The following CLASP1 variants were observed in gnomAD, a reference collection of about 807,000 sequenced individuals.
CLASP1 encodes the protein cytoplasmic linker associated protein 1, also known as CLIP-associating protein 1.
In CLASP1, 38 loss-of-function variants were observed where a neutral mutation model predicts 192.3. The ratio of observed to expected loss-of-function variants is 0.20; its 90% CI spans 0.15 to 0.26. The LOEUF (loss-of-function observed/expected upper bound fraction) is 0.26, where lower values mean the gene tolerates loss of function less well. Ranked by LOEUF, CLASP1 falls within the 10% of genes least tolerant of loss-of-function variation. The pLI is 1.00. For synonymous variants in CLASP1, 691 were observed against 712.8 expected, an observed-to-expected ratio of 0.97 and a Z score of 0.49; for missense variants, 1,433 against 1,932.5, an observed-to-expected ratio of 0.74 and a Z score of 4.85.
chr2:121,642,505 G>A lies in CLASP1; in HGVS notation c.-286+6867C>T, dbSNP rs1395036185. Among the ~76,000 whole-genome samples, 3 of 151,962 alleles carry A rather than the reference G, an allele frequency of 2.0e-5. No individual in the cohort carries two copies. In the East Asian group the frequency reaches 5.8e-4, roughly 29 times the overall value. ...CCCAGCATTTGGGAGGCTGAGGCAG[G>A]TGGATCACTTGAGGTCAGGAGTTCG... On this transcript the variant is annotated intron_variant, in intron 1 of 39. Transcript: ENST00000263710.
intron 2 of CLASP1, among the ~76,000 whole-genome samples, chr2:121,591,544 T>G (rs10496574): frequency 0.24 from 36,338 of 152,110 alleles, 6,646 homozygotes; most frequent in African/African-American, 0.51. Flanking sequence ...CAGTACTAAA[T>G]TCCTATACTA....
In CLASP1 at chr2:121,479,955, C is replaced by G. The variant is rs560072737; in HGVS notation, c.713-9995G>C. The stretch of plus-strand genomic sequence containing the variant: ...AAGCTCTGAGGGTGCTAGCAGAGTG[C>G]TACTTCTGCCCTTTGGCACCAGTAA... On this transcript the variant is annotated intron_variant, in intron 8 of 39. Coordinates refer to ENST00000263710, the Ensembl canonical transcript of CLASP1. Among the ~76,000 whole-genome samples the G allele has an allele frequency of 2.6e-5, 4 of 152,314 alleles. No homozygotes were observed. The South Asian group carries it at 6.2e-4, about 24-fold the overall frequency.
chr2:121,406,798 C>T (rs975251945), intron 25 of CLASP1, among the ~76,000 whole-genome samples: 2 of 152,078 alleles, frequency 1.3e-5, no homozygotes, highest in Non-Finnish European at 2.9e-5. Flanking sequence ...CCTTTGTTGC[C>T]CAGGCTGGTC....
intron 2 of CLASP1, among the ~76,000 whole-genome samples, chr2:121,591,024 C>T (rs1576294985): frequency 6.6e-6 from 1 of 152,004 alleles, no homozygotes; most frequent in South Asian, 2.1e-4. Context: ...TGCACCACCA[C>T]GCCCAGCTAA....
At chr2:121,585,612 G>C (rs2061631497) in intron 2 of CLASP1, among the ~76,000 whole-genome samples, 1 of 152,128 alleles carries the variant, frequency 6.6e-6, no homozygotes, top group Non-Finnish European at 1.5e-5. Flanking sequence ...ATAAAAATAA[G>C]TCTTTTGGCC....
At chr2:121,465,343 T>C (rs2089314648) in intron 9 of CLASP1, among the ~76,000 whole-genome samples, 1 of 152,178 alleles carries the variant, frequency 6.6e-6, no homozygotes, top group Admixed American at 6.5e-5. Flanking sequence ...AAAATCAATG[T>C]ACAAAAATCA....
intron 2 of CLASP1, among the ~76,000 whole-genome samples, chr2:121,585,387 A>G (rs2061602593): frequency 6.6e-6 from 1 of 152,206 alleles, no homozygotes; most frequent in African/African-American, 2.4e-5. Flanking sequence ...GAGGTAGGTC[A>G]TGATTTCAGA....
At chr2:121,511,562 T>C (rs577946071) in intron 7 of CLASP1, among the ~76,000 whole-genome samples, 2 of 145,966 alleles carry the variant, frequency 1.4e-5, no homozygotes, top group East Asian at 4.0e-4. Flanking sequence ...CACTCCAGTC[T>C]GGGCAACAAG....
At chr2:121,537,367 G>C (rs2095115756) in intron 2 of CLASP1, among the ~76,000 whole-genome samples, 1 of 151,862 alleles carries the variant, frequency 6.6e-6, no homozygotes. Context: ...ACTCCAGCCT[G>C]GGTGACAGAT....
chr2:121,503,468 T>A (rs947350419), intron 7 of CLASP1, among the ~76,000 whole-genome samples: 3 of 152,230 alleles, frequency 2.0e-5, no homozygotes, highest in Non-Finnish European at 1.5e-5. Context: ...TCTCATTTAA[T>A]CTCCTTGAGG....
intron 2 of CLASP1, among the ~76,000 whole-genome samples, chr2:121,589,486 CG>C (rs1337024055): frequency 6.6e-6 from 1 of 151,904 alleles, no homozygotes; most frequent in Admixed American, 6.6e-5. Flanking sequence ...AAAAATTAGC[CG>C]GGTGTGGTGG....
At chr2:121,395,062 G>A (rs1181103595) in intron 30 of CLASP1, among the ~76,000 whole-genome samples, 1 of 150,524 alleles carries the variant, frequency 6.6e-6, no homozygotes, top group Admixed American at 6.6e-5. Context: ...TTGACAATGA[G>A]GAAGGAAGGA....
At chr2:121,522,132 G>A (rs1321776377) in intron 6 of CLASP1, among the ~76,000 whole-genome samples, 1 of 152,184 alleles carries the variant, frequency 6.6e-6, no homozygotes, top group Non-Finnish European at 1.5e-5. Flanking sequence ...GTATGTGTGT[G>A]TGTGCGCGCA....
chr2:121,469,368 G>A (rs2090255695), intron 9 of CLASP1, among the ~76,000 whole-genome samples: 1 of 152,078 alleles, frequency 6.6e-6, no homozygotes, highest in African/African-American at 2.4e-5. Flanking sequence ...CAATACCTAG[G>A]GGCCAGTCTA....
intron 35 of CLASP1, among the ~76,000 whole-genome samples, chr2:121,366,115 T>C (rs552660758): frequency 1.3e-5 from 2 of 152,252 alleles, no homozygotes; most frequent in Non-Finnish European, 2.9e-5. Context: ...TAAAGAACTC[T>C]GTCATTTCCT....
intron 9 of CLASP1, among the ~76,000 whole-genome samples, chr2:121,468,581 G>A (rs947743810): frequency 1.3e-5 from 2 of 152,080 alleles, no homozygotes; most frequent in African/African-American, 4.8e-5. Context: ...CTGCTTGCCT[G>A]GTGTTGATGT....
intron 2 of CLASP1, chr2:121,531,097 A>C (rs577157886): frequency 3.1e-5 from 20 of 653,140 alleles, no homozygotes; most frequent in Middle Eastern, 3.9e-4. Flanking sequence ...TAGAGGGTGC[A>C]CAAGACGCGT....
intron 1 of CLASP1, among the ~76,000 whole-genome samples, chr2:121,618,613 A>ATT (rs1257346863): frequency 2.6e-5 from 4 of 152,240 alleles, no homozygotes; most frequent in Middle Eastern, 3.2e-3. Flanking sequence ...TAATACTGAG[A>ATT]AAGTATTCAT....
intron 1 of CLASP1, among the ~76,000 whole-genome samples, chr2:121,644,412 G>A (rs144946603): frequency 0.03 from 4,579 of 151,740 alleles, 145 homozygotes; most frequent in South Asian, 0.11. Context: ...CACTTTGGGA[G>A]GCAGAGGCAG....
Sources: allele counts gnomAD v4.1 joint callset (sites outside exome capture counted in the v4.1 genomes callset), GRCh38; gene constraint gnomAD v4.1.1; transcripts MANE v1.5; gene names NCBI Gene and HGNC (gene_info 2026-07-23, HGNC 2026-07-21).